Variants in ADCY8 observed in about 807,000 individuals in gnomAD.
ADCY8 encodes adenylate cyclase type 8.
In ADCY8, 51 loss-of-function variants were observed where a neutral mutation model predicts 119.7. The observed-to-expected ratio is 0.43, with a 90% CI of 0.34 to 0.54. ADCY8 has a LOEUF of 0.54. Ranked by LOEUF, ADCY8 falls within the 20% of genes least tolerant of loss-of-function variation. The probability of loss-of-function intolerance (pLI) is 0.03; values close to 1 mark genes in which losing one functional copy is unlikely to be tolerated. For synonymous variants in ADCY8, 665 were observed against 651.0 expected (o/e 1.02, Z -0.33); for missense variants, 1,383 against 1,598.8 (o/e 0.87, Z 2.30).
intron 2 of ADCY8, among the ~76,000 whole-genome samples, chr8:130,975,551 C>T (rs1380288752): frequency 1.3e-5 from 2 of 152,176 alleles, no homozygotes; most frequent in African/African-American, 4.8e-5. Context: ...GAAAGGGTAC[C>T]AGTTGGTGTC....
intron 1 of ADCY8, among the ~76,000 whole-genome samples, chr8:130,992,471 G>A (rs1384320114): frequency 1.5e-5 from 2 of 130,380 alleles, no homozygotes; most frequent in Non-Finnish European, 3.2e-5. Flanking sequence ...CAGGAGTGCA[G>A]TAGCACAATC....
At chr8:130,899,244 A>C (rs556024031) in intron 7 of ADCY8, among the ~76,000 whole-genome samples, 1 of 152,260 alleles carries the variant, frequency 6.6e-6, no homozygotes, top group South Asian at 2.1e-4. Flanking sequence ...CCCTGGTCAT[A>C]TCTCTCTATT....
chr8:130,824,289 T>G (rs962415308), intron 12 of ADCY8, among the ~76,000 whole-genome samples: 3 of 152,212 alleles, frequency 2.0e-5, no homozygotes, highest in Non-Finnish European at 2.9e-5. Context: ...TAATAACCAC[T>G]TTACATATTC....
At chr8:130,799,006 G>T (rs1216870684) in intron 15 of ADCY8, among the ~76,000 whole-genome samples, 7 of 152,066 alleles carry the variant, frequency 4.6e-5, no homozygotes, top group Non-Finnish European at 1.0e-4. Flanking sequence ...GGGTCTGGAG[G>T]ATATGATGCT....
At chr8:131,037,747 G>C (rs117408031) in intron 1 of ADCY8, among the ~76,000 whole-genome samples, 1 of 152,014 alleles carries the variant, frequency 6.6e-6, no homozygotes, top group Admixed American at 6.6e-5. Context: ...GAGAATGAGA[G>C]AGCTTGGAAG....
intron 9 of ADCY8, among the ~76,000 whole-genome samples, chr8:130,858,507 A>C (rs1817821347): frequency 6.6e-6 from 1 of 152,154 alleles, no homozygotes; most frequent in South Asian, 2.1e-4. Context: ...TGCCATACTT[A>C]CTAGATCCCA....
At chr8:131,037,457 C>T (rs947582583) in intron 1 of ADCY8, among the ~76,000 whole-genome samples, 1 of 152,086 alleles carries the variant, frequency 6.6e-6, no homozygotes, top group Admixed American at 6.5e-5. Context: ...TCATAATTTG[C>T]CACTTAGGAT....
chr8:130,827,918 A>G (rs1446774163), intron 12 of ADCY8, among the ~76,000 whole-genome samples: 1 of 152,166 alleles, frequency 6.6e-6, no homozygotes, highest in Admixed American at 6.5e-5. Flanking sequence ...GTTCTTAAAG[A>G]CTCAGATACG....
chr8:130,890,126 G>T (rs1354109120), intron 7 of ADCY8, among the ~76,000 whole-genome samples: 3 of 151,072 alleles, frequency 2.0e-5, no homozygotes, highest in Non-Finnish European at 4.4e-5. Context: ...ATAGACGAAA[G>T]GTCAAGTGCC....
intron 11 of ADCY8, among the ~76,000 whole-genome samples, chr8:130,845,098 A>G (rs997056695): frequency 6.6e-6 from 1 of 152,192 alleles, no homozygotes; most frequent in Non-Finnish European, 1.5e-5. Context: ...TTAACCAATA[A>G]GGAAGGCCCT....
At chr8:130,809,775 A>G (rs1816103864) in intron 14 of ADCY8, among the ~76,000 whole-genome samples, 1 of 152,200 alleles carries the variant, frequency 6.6e-6, no homozygotes, top group South Asian at 2.1e-4. Flanking sequence ...GAACACCTCA[A>G]AAGGGGTTAG....
intron 1 of ADCY8, among the ~76,000 whole-genome samples, chr8:131,000,782 T>A (rs541120552): frequency 6.6e-6 from 1 of 151,892 alleles, no homozygotes; most frequent in Non-Finnish European, 1.5e-5. Flanking sequence ...CACCCTAGGA[T>A]TCGGCCATTT....
At chr8:131,001,598 TACTA>T (rs1047649723) in intron 1 of ADCY8, among the ~76,000 whole-genome samples, 8 of 147,828 alleles carry the variant, frequency 5.4e-5, no homozygotes, top group African/African-American at 1.7e-4. Context: ...TATATACACA[TACTA>T]TATATACAAA....
At chr8:130,884,463 CAAAG>C in intron 8 of ADCY8, 97 bp downstream of exon 8, 2 of 1,298,388 alleles carry the variant, frequency 1.5e-6, no homozygotes, top group Non-Finnish European at 2.2e-6. Context: ...AGCAAACAAA[CAAAG>C]AAACCAAAAC....
intron 15 of ADCY8, among the ~76,000 whole-genome samples, chr8:130,792,132 C>G (rs548767726): frequency 7.9e-5 from 12 of 152,330 alleles, no homozygotes; most frequent in African/African-American, 2.6e-4. Context: ...CCTCGCTTCT[C>G]TTGGGCTACC....
At chr8:130,908,609 T>A (rs1486879566) in intron 6 of ADCY8, among the ~76,000 whole-genome samples, 1 of 152,132 alleles carries the variant, frequency 6.6e-6, no homozygotes, top group Non-Finnish European at 1.5e-5. Context: ...CAAACTCTCA[T>A]GGAGGAGGAA....
chr8:130,839,307 T>C (rs960752494), intron 11 of ADCY8, among the ~76,000 whole-genome samples: 1 of 140,124 alleles, frequency 7.1e-6, no homozygotes, highest in Non-Finnish European at 1.6e-5. Flanking sequence ...TCTTGCCTTC[T>C]TTACTCCTAT....
intron 9 of ADCY8, among the ~76,000 whole-genome samples, chr8:130,862,107 A>G (rs1216350043): frequency 6.6e-6 from 1 of 152,196 alleles, no homozygotes; most frequent in East Asian, 1.9e-4. Flanking sequence ...TTTTATGTTT[A>G]TGTTTATGAG....
intron 4 of ADCY8, among the ~76,000 whole-genome samples, chr8:130,938,313 G>A (rs192119254): frequency 4.3e-4 from 66 of 152,254 alleles, no homozygotes; most frequent in Non-Finnish European, 7.4e-4. Flanking sequence ...GGCAGATGGG[G>A]CACTCAATTA....
Sources: allele counts gnomAD v4.1 joint callset (sites outside exome capture counted in the v4.1 genomes callset), GRCh38; gene constraint gnomAD v4.1.1; transcripts MANE v1.5; gene names NCBI Gene and HGNC (gene_info 2026-07-23, HGNC 2026-07-21).